TENM3: variants seen among roughly 807,000 people sequenced by gnomAD.
The protein encoded by TENM3 is teneurin transmembrane protein 3.
In TENM3, 63 loss-of-function variants were observed where a neutral mutation model predicts 255.1. That is an observed-to-expected ratio of 0.25 (90% confidence interval 0.20 to 0.30). The LOEUF is 0.30. Ranked by LOEUF, TENM3 falls within the 10% of genes least tolerant of loss-of-function variation. TENM3 has a pLI of 1.00. For missense variants in TENM3, 2,929 were observed against 3,461.1 expected (o/e 0.85, Z 3.86); for synonymous variants, 1,306 against 1,322.3 (o/e 0.99, Z 0.27).
At chr4:182,572,392 A>G (rs1744476406) in intron 3 of TENM3, among the ~76,000 whole-genome samples, 1 of 152,224 alleles carries the variant, frequency 6.6e-6, no homozygotes, top group African/African-American at 2.4e-5. Context: ...AGTCTGGAGG[A>G]ACATACTTAA....
intron 6 of TENM3, among the ~76,000 whole-genome samples, chr4:182,656,659 A>G (rs1159583803): frequency 6.6e-6 from 1 of 152,240 alleles, no homozygotes; most frequent in African/African-American, 2.4e-5. Flanking sequence ...GCTCACTAGG[A>G]GAATGAACTG....
chr4:181,538,997 T>C, the TENM3 span, among the ~76,000 whole-genome samples: 5 of 152,344 alleles, frequency 3.3e-5, no homozygotes, highest in Admixed American at 1.3e-4. Context: ...GTTTGACTTA[T>C]GCAGAGGGTA....
intron 1 of TENM3, among the ~76,000 whole-genome samples, chr4:182,299,197 T>G (rs1176702751): frequency 2.6e-5 from 4 of 151,910 alleles, no homozygotes; most frequent in African/African-American, 4.8e-5. Flanking sequence ...TCTCCTAGTA[T>G]TATTAACATC....
chr4:181,782,241 G>C, the TENM3 span, among the ~76,000 whole-genome samples: 10 of 152,172 alleles, frequency 6.6e-5, no homozygotes, highest in East Asian at 1.9e-3. Context: ...CTGTGAATCC[G>C]TCTGGCCCTG....
chr4:181,731,896 C>T, the TENM3 span, among the ~76,000 whole-genome samples: 1 of 152,116 alleles, frequency 6.6e-6, no homozygotes, highest in Admixed American at 6.5e-5. Flanking sequence ...CCTAAAAGTC[C>T]TACCTCCCTG....
chr4:182,326,267 T>C (rs1236299301), intron 2 of TENM3, among the ~76,000 whole-genome samples: 1 of 152,200 alleles, frequency 6.6e-6, no homozygotes, highest in Non-Finnish European at 1.5e-5. Flanking sequence ...TACTGCGTGC[T>C]GGTCAGTGCG....
chr4:182,064,097 C>T, the TENM3 span, among the ~76,000 whole-genome samples: 121 of 151,968 alleles, frequency 8.0e-4, 1 homozygote, highest in Non-Finnish European at 1.3e-3. Flanking sequence ...TCTCTAGCCT[C>T]AGTCTCCTCA....
At chr4:182,352,207 T>C (rs1198763522) in intron 3 of TENM3, among the ~76,000 whole-genome samples, 1 of 151,858 alleles carries the variant, frequency 6.6e-6, no homozygotes, top group East Asian at 1.9e-4. Context: ...GCGCTGATCA[T>C]TTGTGCAGTC....
chr4:182,721,970 G>T (rs1759772280), intron 13 of TENM3, among the ~76,000 whole-genome samples: 1 of 151,896 alleles, frequency 6.6e-6, no homozygotes. Flanking sequence ...TTTGTTAGGT[G>T]TGTTGCAAAT....
the TENM3 span, among the ~76,000 whole-genome samples, chr4:182,119,238 AATGCTCCG>A: frequency 1.3e-5 from 2 of 152,144 alleles, no homozygotes; most frequent in Non-Finnish European, 2.9e-5. Flanking sequence ...AGAAAAACAA[AATGCTCCG>A]ATGTATTTCG....
chr4:181,912,646 C>T, the TENM3 span, among the ~76,000 whole-genome samples: 11 of 151,666 alleles, frequency 7.3e-5, no homozygotes, highest in African/African-American at 2.7e-4. Flanking sequence ...TACAAATTAG[C>T]CTGTAATCCT....
the TENM3 span, among the ~76,000 whole-genome samples, chr4:181,596,868 G>A: frequency 3.3e-5 from 5 of 152,108 alleles, no homozygotes; most frequent in African/African-American, 4.8e-5. Context: ...ACTTATAAGC[G>A]GGAGGTAAAT....
At chr4:182,595,120 T>G (rs1403137245) in intron 3 of TENM3, among the ~76,000 whole-genome samples, 2 of 152,132 alleles carry the variant, frequency 1.3e-5, no homozygotes, top group Admixed American at 6.6e-5. Flanking sequence ...ATTAAGTAAT[T>G]TATGCAAGAA....
intron 3 of TENM3, among the ~76,000 whole-genome samples, chr4:182,380,291 C>CA (rs150952337): frequency 0.85 from 129,602 of 152,024 alleles, 55,636 homozygotes; most frequent in Non-Finnish European, 0.9. Context: ...AAAGCAAAAA[C>CA]AAAAACAAAA....
chr4:181,460,578 AT>A, the TENM3 span, among the ~76,000 whole-genome samples: 3 of 129,320 alleles, frequency 2.3e-5, no homozygotes, highest in Non-Finnish European at 3.5e-5. Flanking sequence ...TTGCCCAGAT[AT>A]TTTTTCTTTT....
chr4:181,474,854 T>A, the TENM3 span, among the ~76,000 whole-genome samples: 1 of 152,134 alleles, frequency 6.6e-6, no homozygotes, highest in African/African-American at 2.4e-5. Context: ...TTCTGAATTG[T>A]TCTCATTGAA....
chr4:182,777,409 C>A (rs1355942867), intron 24 of TENM3, among the ~76,000 whole-genome samples: 1 of 152,002 alleles, frequency 6.6e-6, no homozygotes, highest in African/African-American at 2.4e-5. Flanking sequence ...TATGTGAACA[C>A]ATCCTTGCAA....
chr4:181,944,816 C>T, the TENM3 span, among the ~76,000 whole-genome samples: 1 of 152,026 alleles, frequency 6.6e-6, no homozygotes, highest in Non-Finnish European at 1.5e-5. Context: ...CAGACACCAT[C>T]CTGTCATTGC....
chr4:181,740,592 C>A, the TENM3 span, among the ~76,000 whole-genome samples: 1 of 150,980 alleles, frequency 6.6e-6, no homozygotes, highest in African/African-American at 2.4e-5. Flanking sequence ...ATGGTGAAAA[C>A]CAAAGGAAAA....
Sources: allele counts gnomAD v4.1 joint callset (sites outside exome capture counted in the v4.1 genomes callset), GRCh38; gene constraint gnomAD v4.1.1; transcripts MANE v1.5; gene names NCBI Gene and HGNC (gene_info 2026-07-23, HGNC 2026-07-21).